Variants in FHOD3 observed in about 807,000 individuals in gnomAD.
FHOD3 encodes the protein FH1/FH2 domain-containing protein 3.
FHOD3 carries 90 observed loss-of-function variants against 173.0 expected under a neutral mutation model. The observed-to-expected ratio is 0.52, with a 90% CI of 0.44 to 0.62. The LOEUF (loss-of-function observed/expected upper bound fraction) is 0.62. Ranked by LOEUF, FHOD3 falls within the 20% of genes least tolerant of loss-of-function variation. The pLI, the probability that FHOD3 is intolerant of heterozygous loss-of-function variation, is 0.00. For synonymous variants in FHOD3, 828 were observed against 823.0 expected (o/e 1.01, Z -0.10); for missense variants, 1,945 against 2,034.7 (o/e 0.96, Z 0.85).
intron 9 of FHOD3, among the ~76,000 whole-genome samples, chr18:36,618,405 C>CG (rs2033423195): frequency 6.7e-6 from 1 of 150,020 alleles, no homozygotes; most frequent in Non-Finnish European, 1.5e-5. Context: ...CTCCGCCTCC[C>CG]GGGTTCAAGT....
intron 3 of FHOD3, among the ~76,000 whole-genome samples, chr18:36,408,616 A>C (rs1421770381): frequency 1.3e-5 from 2 of 152,182 alleles, no homozygotes; most frequent in Non-Finnish European, 2.9e-5. Context: ...GAGTTGGCTC[A>C]TACCCAGGAC....
At chr18:36,476,774 G>A (rs1456928095) in intron 3 of FHOD3, among the ~76,000 whole-genome samples, 2 of 152,206 alleles carry the variant, frequency 1.3e-5, no homozygotes, top group Admixed American at 6.5e-5. Context: ...CTGTTCTTAA[G>A]TGTAAAGATC....
intron 5 of FHOD3, among the ~76,000 whole-genome samples, chr18:36,555,417 G>T (rs1346521252): frequency 6.6e-6 from 1 of 150,624 alleles, no homozygotes; most frequent in Non-Finnish European, 1.5e-5. Flanking sequence ...TGCTTTATAT[G>T]ACTTCAATCC....
intron 9 of FHOD3, among the ~76,000 whole-genome samples, chr18:36,622,125 C>T (rs190085848): frequency 1.3e-5 from 2 of 152,258 alleles, no homozygotes; most frequent in Non-Finnish European, 2.9e-5. Context: ...TATGAGGTAT[C>T]TAAAATAGAC....
intron 21 of FHOD3, among the ~76,000 whole-genome samples, chr18:36,742,069 G>A (rs543341542): frequency 4.3e-4 from 65 of 152,280 alleles, no homozygotes; most frequent in African/African-American, 1.5e-3. Context: ...ACCTGGGCTG[G>A]AGAAACTGAA....
chr18:36,384,358 C>T (rs777773598), intron 3 of FHOD3, among the ~76,000 whole-genome samples: 3 of 151,440 alleles, frequency 2.0e-5, no homozygotes, highest in South Asian at 4.2e-4. Context: ...CCAGCCTGGG[C>T]GACAGAGTGA....
At chr18:36,301,082 A>T (rs1463275994) in intron 1 of FHOD3, among the ~76,000 whole-genome samples, 2 of 152,182 alleles carry the variant, frequency 1.3e-5, no homozygotes, top group Non-Finnish European at 2.9e-5. Flanking sequence ...TATACAAAAA[A>T]GTGTACAGGG....
chr18:36,647,178 T>C (rs1600070615), intron 10 of FHOD3, among the ~76,000 whole-genome samples: 2 of 152,140 alleles, frequency 1.3e-5, no homozygotes. Flanking sequence ...GAGGCAGAGG[T>C]TGCAGTGAGC....
Position 36,550,243 on chromosome 18 carries a change from C to CATATATATATATATATAT in FHOD3, c.512-26201_512-26184dup, listed in dbSNP as rs371573246. 4.0e-3 allele frequency among the ~76,000 whole-genome samples: 478 copies of CATATATATATATATATAT among 120,548 alleles called. 1 individual carries two copies. Among genetic ancestry groups the CATATATATATATATATAT allele is most frequent in the African/African-American group, 6.7e-3 (209 of 31,366 alleles). 79.1% of individuals were successfully genotyped at this position (120,548 alleles called of 152,430 possible). ...ATATATATATAGGCCAGTGGTAGAC[C>CATATATATATATATATAT]ATATATATATATATATATATATATG... On this transcript the variant is annotated intron_variant, in intron 5 of 28. Coordinates refer to ENST00000590592, the MANE Select transcript of FHOD3 (RefSeq NM_001281740.3).
chr18:36,707,688 C>T (rs2039958583), intron 17 of FHOD3, among the ~76,000 whole-genome samples: 1 of 152,156 alleles, frequency 6.6e-6, no homozygotes, highest in African/African-American at 2.4e-5. Flanking sequence ...CCATGCCCAG[C>T]CTGCTGGGGG....
chr18:36,430,376 C>T (rs895841540), intron 3 of FHOD3, among the ~76,000 whole-genome samples: 2 of 152,118 alleles, frequency 1.3e-5, no homozygotes, highest in African/African-American at 4.8e-5. Context: ...ACCACCACGC[C>T]CAGCTAATTT....
rs144847554 is a variant in FHOD3, at chr18:36,709,134, C to T, written c.2276C>T (p.Pro759Leu). 81 of 1,613,762 alleles carry T rather than the reference C, an allele frequency of 5.0e-5. No individual in the cohort carries two copies. The highest frequency in any genetic ancestry group is 1.6e-4 in the African/African-American group (12 of 74,916). ...CCTGAACCCGAATCAGAGGCAGAAC[C>T]GGAAGCAGAGGCAGGGGCGGGGCAG... is the stretch of plus-strand genomic sequence containing the variant. The part of the protein sequence containing the change: ...GDPEPESEAE[P>L]EAEAGAGQVA... Residue 759 changes from proline (P) to leucine (L), a missense_variant, in exon 18 of 29, where the codon CCG becomes CTG. Coordinates refer to ENST00000590592, the MANE Select transcript of FHOD3 (RefSeq NM_001281740.3).
chr18:36,306,036 ATT>A (rs1478408466), intron 1 of FHOD3, among the ~76,000 whole-genome samples: 2 of 152,182 alleles, frequency 1.3e-5, no homozygotes, highest in Admixed American at 6.5e-5. Flanking sequence ...AAAATGAAAT[ATT>A]GTTAAGGGTG....
chr18:36,440,174 G>A (rs1304171193), intron 3 of FHOD3, among the ~76,000 whole-genome samples: 5 of 152,202 alleles, frequency 3.3e-5, no homozygotes, highest in African/African-American at 9.6e-5. Context: ...AAGTGATGCT[G>A]ATGCTGCTGG....
At chr18:36,659,324 T>C (rs1337919252) in intron 14 of FHOD3, among the ~76,000 whole-genome samples, 1 of 152,188 alleles carries the variant, frequency 6.6e-6, no homozygotes, top group Non-Finnish European at 1.5e-5. Context: ...CTGAGCACAC[T>C]TGGGCTAAGT....
At chr18:36,335,209 A>G (rs1223068697) in intron 1 of FHOD3, among the ~76,000 whole-genome samples, 1 of 152,188 alleles carries the variant, frequency 6.6e-6, no homozygotes, top group Non-Finnish European at 1.5e-5. Flanking sequence ...AACAAAAAAA[A>G]ACTTGGCCGG....
At chr18:36,742,684 A>G in intron 21 of FHOD3, 53 bp from the exon 22 acceptor site, 2 of 1,579,490 alleles carry the variant, frequency 1.3e-6, no homozygotes, top group Non-Finnish European at 1.7e-6. Flanking sequence ...CAGAAGAACA[A>G]AGTAAACCCA....
At chr18:36,560,348 T>C (rs1028492157) in intron 5 of FHOD3, among the ~76,000 whole-genome samples, 3 of 152,214 alleles carry the variant, frequency 2.0e-5, no homozygotes, top group Non-Finnish European at 4.4e-5. Context: ...ATAAACAGTT[T>C]CCACTGGTGA....
intron 5 of FHOD3, among the ~76,000 whole-genome samples, chr18:36,526,284 T>C (rs1447218835): frequency 2.0e-5 from 3 of 151,872 alleles, no homozygotes; most frequent in Non-Finnish European, 4.4e-5. Flanking sequence ...TCATTCTTTT[T>C]TTCCCCCCTC....
Sources: gnomAD v4.1 joint callset for allele counts (sites outside exome capture counted in the v4.1 genomes callset) on GRCh38, gnomAD v4.1.1 for gene constraint, MANE v1.5 for transcripts, NCBI Gene and HGNC (gene_info 2026-07-23, HGNC 2026-07-21) for gene names.